Variants in PLA2G4C observed in about 807,000 individuals in gnomAD.
PLA2G4C encodes phospholipase A2 group IVC.
In PLA2G4C, 64 loss-of-function variants were observed where a neutral mutation model predicts 73.8. That is an observed-to-expected ratio of 0.87 (90% CI 0.71 to 1.07). The LOEUF (loss-of-function observed/expected upper bound fraction) is 1.07. Ranked by LOEUF, PLA2G4C falls within the 50% of genes least tolerant of loss-of-function variation. The pLI, the probability that PLA2G4C is intolerant of heterozygous loss-of-function variation, is 0.00. For missense variants in PLA2G4C, 622 were observed against 665.4 expected (o/e 0.93, Z 0.72); for synonymous variants, 254 against 252.1 (o/e 1.01, Z -0.07).
intron 6 of PLA2G4C, 90 bp from the exon 7 acceptor site, chr19:48,095,694 T>C: frequency 1.5e-6 from 2 of 1,297,820 alleles, no homozygotes; most frequent in Admixed American, 1.7e-5. Flanking sequence ...TAATGAGGAA[T>C]TACAACCATG....
At chr19:48,055,389 GTA>G (rs4002927) in intron 14 of PLA2G4C, among the ~76,000 whole-genome samples, 92 of 132,384 alleles carry the variant, frequency 6.9e-4, no homozygotes, top group Admixed American at 1.3e-3. Flanking sequence ...CATCTCTACA[GTA>G]TATATATATA....
At chr19:48,057,311 C>T (rs745539755) in intron 14 of PLA2G4C, among the ~76,000 whole-genome samples, 1 of 151,618 alleles carries the variant, frequency 6.6e-6, no homozygotes, top group Non-Finnish European at 1.5e-5. Flanking sequence ...AGAGATGGCC[C>T]AGTAGAGATG....
chr19:48,093,755 G>C lies in PLA2G4C; in HGVS notation c.709+1709C>G, dbSNP rs147563293. ...CTTTATGTCCCCACCCAAATCTCTC[G>C]AGTTGTAATCCCCAGATGTTGAGGG... On this transcript the variant is annotated intron_variant, in intron 7 of 16. Coordinates refer to ENST00000599921, the MANE Select transcript of PLA2G4C (RefSeq NM_003706.3). Among the ~76,000 whole-genome samples the C allele has an allele frequency of 7.0e-4, 106 of 152,206 alleles. 1 individual carries two copies. The highest frequency in any genetic ancestry group is 2.4e-3 in the African/African-American group (99 of 41,532).
chr19:48,095,406 T>A, intron 7 of PLA2G4C, 58 bp downstream of exon 7: 1 of 1,552,782 alleles, frequency 6.4e-7, no homozygotes, highest in Non-Finnish European at 8.8e-7. Flanking sequence ...AGAAGGAAAA[T>A]TCTTGCCTCT....
intron 11 of PLA2G4C, 50 bp downstream of exon 11, chr19:48,077,721 T>C (rs1411304762): frequency 7.5e-7 from 1 of 1,339,110 alleles, no homozygotes; most frequent in Non-Finnish European, 1.0e-6. Context: ...TTCAAGCCAG[T>C]GTGCAGTCCA....
At chr19:48,110,325 G>A (rs2032426190) in intron 1 of PLA2G4C, among the ~76,000 whole-genome samples, 162 bp downstream of exon 1, 1 of 150,796 alleles carries the variant, frequency 6.6e-6, no homozygotes, top group Non-Finnish European at 1.5e-5. Flanking sequence ...CAGCCTAGGC[G>A]ACAGAGCGAG....
intron 4 of PLA2G4C, 103 bp downstream of exon 4, chr19:48,104,485 C>G (rs1022760623): frequency 4.4e-6 from 5 of 1,138,502 alleles, no homozygotes; most frequent in Non-Finnish European, 6.5e-6. Context: ...CCAGAGAGCT[C>G]GAGAAGCAGC....
At chr19:48,100,287 C>A (rs911988939) in intron 4 of PLA2G4C, among the ~76,000 whole-genome samples, 1 of 151,888 alleles carries the variant, frequency 6.6e-6, no homozygotes, top group Non-Finnish European at 1.5e-5. Flanking sequence ...GAGGACGAGG[C>A]GGGAGGATTG....
At chr19:48,091,267 C>T (rs1005637232) in intron 7 of PLA2G4C, among the ~76,000 whole-genome samples, 1 of 151,686 alleles carries the variant, frequency 6.6e-6, no homozygotes, top group African/African-American at 2.4e-5. Context: ...CTCACTGCAA[C>T]CTCTGCCTCC....
intron 14 of PLA2G4C, among the ~76,000 whole-genome samples, chr19:48,057,967 G>C (rs1968020696): frequency 6.6e-6 from 1 of 151,494 alleles, no homozygotes; most frequent in Non-Finnish European, 1.5e-5. Flanking sequence ...TAAGTAGCTG[G>C]GACTACAGGC....
At chr19:48,050,961 C>T (rs911234828) in intron 16 of PLA2G4C, among the ~76,000 whole-genome samples, 19 of 152,060 alleles carry the variant, frequency 1.2e-4, no homozygotes, top group African/African-American at 4.6e-4. Context: ...AGGTGTGAGC[C>T]ACGGCTCCTG....
intron 12 of PLA2G4C, chr19:48,074,356 TACC>T (rs1171449663): frequency 4.7e-6 from 1 of 211,352 alleles, no homozygotes; most frequent in African/African-American, 2.4e-5. Flanking sequence ...GGTGTATATG[TACC>T]ACATTTTCTT....
chr19:48,053,218 T>G, intron 15 of PLA2G4C, 71 bp from the exon 16 acceptor site: 1 of 1,265,226 alleles, frequency 7.9e-7, no homozygotes, highest in Non-Finnish European at 1.1e-6. Flanking sequence ...GATTTTTGTC[T>G]ATTTACATCA....
rs78056248 is a variant in PLA2G4C, at chr19:48,053,364, C to T, written c.1430-217G>A. The stretch of plus-strand genomic sequence containing the variant: ...TCCATGCCCCTTCCGGTCCTTTTTT[C>T]TTTTTTTTTTTTTTTTTTTTTTGAG... On this transcript the variant is annotated intron_variant, in intron 15 of 16. Transcript: ENST00000599921. Among the ~76,000 whole-genome samples, 858 of 100,414 alleles carry T rather than the reference C, an allele frequency of 8.5e-3. 18 individuals are homozygous for T. The highest frequency in any genetic ancestry group is 0.029 in the African/African-American group (737 of 25,316). The allele number at this position is 100,414 out of a possible 152,430, so 65.9% of individuals were successfully genotyped here.
intron 11 of PLA2G4C, among the ~76,000 whole-genome samples, chr19:48,075,944 T>C (rs1033101482): frequency 6.6e-6 from 1 of 152,230 alleles, no homozygotes; most frequent in Non-Finnish European, 1.5e-5. Context: ...TGGTGAATGC[T>C]GATGTCAAAA....
chr19:48,057,477 C>CTTTTT (rs1265460823), intron 14 of PLA2G4C, among the ~76,000 whole-genome samples: 49 of 16,880 alleles, frequency 2.9e-3, no homozygotes, highest in Non-Finnish European at 5.4e-3. Flanking sequence ...TCTTCTTCTT[C>CTTTTT]TTCTTCTTTT....
At position 48,072,188 on chromosome 19, in the gene PLA2G4C, G is replaced by GT. The variant is rs1968688095; in HGVS notation, c.1006+2578dup. 1 of 152,020 alleles carries GT rather than the reference G, an allele frequency of 6.6e-6. No individual in the cohort carries two copies. Among genetic ancestry groups the GT allele is most frequent in the South Asian group, 2.1e-4 (1 of 4,812 alleles). The allele number at this position is 152,020 out of a possible 1,614,324, so 9.4% of individuals were successfully genotyped here. A position where few individuals can be genotyped will look rare whatever the true frequency, so the allele number is the denominator to read the frequency against. On this transcript the variant is annotated intron_variant, in intron 12 of 16. Transcript: ENST00000599921. This position sits in a 1 kb window ranked among gnomAD's most constrained non-coding sequence, Gnocchi z 4.4. ...CAAAAAACAAAACAAAAAAAAGTAC[G>GT]TTTTTTAAAAGAAAACTTTTTAAGG...
chr19:48,054,459 A>G (rs894157211), intron 15 of PLA2G4C, among the ~76,000 whole-genome samples: 1 of 150,118 alleles, frequency 6.7e-6, no homozygotes, highest in Admixed American at 6.6e-5. Flanking sequence ...ACGCACCACC[A>G]AGCCCAGCAA....
At chr19:48,095,831 G>C (rs141308463) in intron 6 of PLA2G4C, among the ~76,000 whole-genome samples, 168 of 152,260 alleles carry the variant, frequency 1.1e-3, no homozygotes, top group Non-Finnish European at 1.9e-3. Context: ...ATATTTTCCA[G>C]AGCTTGAACC....
Sources: allele counts gnomAD v4.1 joint callset (sites outside exome capture counted in the v4.1 genomes callset), GRCh38; gene constraint gnomAD v4.1.1; non-coding constraint Gnocchi (gnomAD v3.1); transcripts MANE v1.5; gene names NCBI Gene and HGNC (gene_info 2026-07-23, HGNC 2026-07-21).